MTUS2: variants seen among roughly 807,000 people sequenced by gnomAD.
MTUS2 encodes the protein microtubule-associated tumor suppressor candidate 2.
A neutral mutation model predicts 114.1 loss-of-function variants in MTUS2; 40 were observed. That is an observed-to-expected ratio of 0.35 (90% confidence interval 0.27 to 0.46). The LOEUF is 0.46. Ranked by LOEUF, MTUS2 falls within the 20% of genes least tolerant of loss-of-function variation. The probability of loss-of-function intolerance (pLI) is 1.00; values close to 1 mark genes in which losing one functional copy is unlikely to be tolerated. For synonymous variants in MTUS2, 688 were observed against 672.0 expected (o/e 1.02, Z -0.37); for missense variants, 1,679 against 1,705.4 (o/e 0.98, Z 0.27).
intron 5 of MTUS2, among the ~76,000 whole-genome samples, chr13:29,102,198 T>C (rs1004298765): frequency 2.0e-5 from 3 of 152,216 alleles, no homozygotes; most frequent in Non-Finnish European, 4.4e-5. Context: ...GATATGCATG[T>C]GCATATTAGC....
At chr13:29,120,761 A>T (rs1593497862) in intron 5 of MTUS2, among the ~76,000 whole-genome samples, 1 of 152,192 alleles carries the variant, frequency 6.6e-6, no homozygotes, top group African/African-American at 2.4e-5. Context: ...TGTGCATTGC[A>T]ATTCCCTCTA....
chr13:29,094,178 G>T (rs975840238), intron 4 of MTUS2, among the ~76,000 whole-genome samples: 7 of 151,890 alleles, frequency 4.6e-5, no homozygotes, highest in African/African-American at 1.7e-4. Flanking sequence ...GTCTTTATCT[G>T]GTTTTAGCAT....
Position 29,282,120 on chromosome 13 carries a change from A to G in MTUS2, c.2806+255A>G, listed in dbSNP as rs74712022. Among the ~76,000 whole-genome samples, 1,108 of 152,360 alleles carry G rather than the reference A, an allele frequency of 7.3e-3. 8 individuals are homozygous for G. The highest frequency in any genetic ancestry group is 0.025 in the African/African-American group (1,036 of 41,584). On this transcript the variant is annotated intron_variant, in intron 6 of 15. Coordinates refer to ENST00000612955, the MANE Select transcript of MTUS2 (RefSeq NM_001033602.4). ...TTTCCGTTTCAGAAAGCAAGAACCA[A>G]GCTATTTTAAGCAAACTGGCATTTG...
At chr13:28,939,514 A>G (rs1882105910) in intron 2 of MTUS2, among the ~76,000 whole-genome samples, 1 of 152,052 alleles carries the variant, frequency 6.6e-6, no homozygotes, top group African/African-American at 2.4e-5. Flanking sequence ...AATATTTAAG[A>G]AGCATCAACA....
chr13:29,226,442 A>G (rs1051856517), intron 5 of MTUS2, among the ~76,000 whole-genome samples: 14 of 152,212 alleles, frequency 9.2e-5, no homozygotes, highest in Non-Finnish European at 5.9e-5. Context: ...AGCTTTTCAG[A>G]TGAAGAATTC....
At chr13:29,160,174 C>T (rs185691243) in intron 5 of MTUS2, among the ~76,000 whole-genome samples, 22 of 152,324 alleles carry the variant, frequency 1.4e-4, no homozygotes, top group Admixed American at 5.9e-4. Context: ...TAATCAGGAA[C>T]AAACCACAGT....
intron 6 of MTUS2, among the ~76,000 whole-genome samples, chr13:29,283,944 G>A (rs970124233): frequency 1.3e-5 from 2 of 152,124 alleles, no homozygotes; most frequent in East Asian, 1.9e-4. Context: ...AAGCAAACAG[G>A]CATTCTCATA....
At chr13:28,853,693 A>G (rs1022463984) in intron 2 of MTUS2, among the ~76,000 whole-genome samples, 1 of 152,198 alleles carries the variant, frequency 6.6e-6, no homozygotes, top group African/African-American at 2.4e-5. Flanking sequence ...AAAACCAGAG[A>G]TTGACCATCA....
At chr13:29,126,975 G>A (rs1298281230) in intron 5 of MTUS2, among the ~76,000 whole-genome samples, 1 of 152,188 alleles carries the variant, frequency 6.6e-6, no homozygotes, top group Admixed American at 6.5e-5. Context: ...CTCAGTCAGT[G>A]TTCAGTGCTC....
At chr13:29,084,339 C>G (rs1350091250) in intron 4 of MTUS2, among the ~76,000 whole-genome samples, 4 of 151,580 alleles carry the variant, frequency 2.6e-5, no homozygotes, top group African/African-American at 9.7e-5. Flanking sequence ...TTCTCCATCT[C>G]TTTCTTCTTC....
At chr13:29,337,801 T>A (rs1901156759) in intron 7 of MTUS2, among the ~76,000 whole-genome samples, 1 of 150,722 alleles carries the variant, frequency 6.6e-6, no homozygotes, top group Non-Finnish European at 1.5e-5. Context: ...TGGTTTTTTT[T>A]TTTTTGAGAC....
At chr13:29,139,612 C>T (rs1007828994) in intron 5 of MTUS2, among the ~76,000 whole-genome samples, 1 of 152,082 alleles carries the variant, frequency 6.6e-6, no homozygotes, top group Admixed American at 6.6e-5. Flanking sequence ...TACCCTTTTA[C>T]TATCTCGTTA....
At chr13:28,995,078 T>C (rs937007434) in intron 2 of MTUS2, among the ~76,000 whole-genome samples, 15 of 152,202 alleles carry the variant, frequency 9.9e-5, no homozygotes, top group Non-Finnish European at 2.1e-4. Flanking sequence ...AATTTTTGTA[T>C]AAGGTGTAAG....
rs984548145 is a variant in MTUS2, at chr13:29,496,563, T to A, written c.3580-675T>A. 3 of 152,434 alleles carry A rather than the reference T, an allele frequency of 2.0e-5. No individual in the cohort carries two copies. Among genetic ancestry groups the A allele is most frequent in the Admixed American group, 1.3e-4 (2 of 15,268 alleles). 9.4% of individuals were successfully genotyped at this position (152,434 alleles called of 1,614,324 possible). A position where few individuals can be genotyped will look rare whatever the true frequency, so the allele number is the denominator to read the frequency against. ...ACCTTGAGGGCAGTGGAGGAGGAGA[T>A]AGGGGAAGGACAGGTTCCGGTTTGC... is the stretch of plus-strand genomic sequence containing the variant. On this transcript the variant is annotated intron_variant, in intron 12 of 15. Coordinates refer to ENST00000612955, the MANE Select transcript of MTUS2 (RefSeq NM_001033602.4). The surrounding 1 kb of genome is among the most constrained non-coding windows in gnomAD (Gnocchi z 4.3).
intron 2 of MTUS2, among the ~76,000 whole-genome samples, chr13:28,926,118 A>G (rs1388935661): frequency 6.6e-6 from 1 of 152,148 alleles, no homozygotes; most frequent in Non-Finnish European, 1.5e-5. Context: ...GCTTCTCATT[A>G]TTATGTTCTT....
At chr13:29,231,619 T>TA (rs1377700976) in intron 5 of MTUS2, among the ~76,000 whole-genome samples, 1 of 152,222 alleles carries the variant, frequency 6.6e-6, no homozygotes. Flanking sequence ...TAAACACTTT[T>TA]AAAAACTCAT....
At chr13:29,358,782 C>T (rs1053425768) in intron 7 of MTUS2, among the ~76,000 whole-genome samples, 3 of 151,998 alleles carry the variant, frequency 2.0e-5, no homozygotes, top group African/African-American at 4.8e-5. Context: ...GTGACTTGGA[C>T]GTGACATTGA....
chr13:29,102,866 G>C (rs1890479552), intron 5 of MTUS2, among the ~76,000 whole-genome samples: 1 of 152,140 alleles, frequency 6.6e-6, no homozygotes, highest in Non-Finnish European at 1.5e-5. Context: ...TGAAGCTCTT[G>C]AGAGAGCTAA....
chr13:28,942,400 G>A (rs1417382106), intron 2 of MTUS2, among the ~76,000 whole-genome samples: 2 of 152,206 alleles, frequency 1.3e-5, no homozygotes, highest in African/African-American at 4.8e-5. Flanking sequence ...TTGTACACCA[G>A]TTTGTAAAGC....
Sources: gnomAD v4.1 joint callset for allele counts (sites outside exome capture counted in the v4.1 genomes callset) on GRCh38, gnomAD v4.1.1 for gene constraint, Gnocchi (gnomAD v3.1) non-coding constraint, MANE v1.5 for transcripts, NCBI Gene and HGNC (gene_info 2026-07-23, HGNC 2026-07-21) for gene names.